PHF20: variants seen among roughly 807,000 people sequenced by gnomAD.
PHF20 encodes PHD finger protein 20.
In PHF20, 23 loss-of-function variants were observed where a neutral mutation model predicts 113.5. The observed-to-expected ratio is 0.20, with a 90% CI of 0.15 to 0.29. The LOEUF is 0.29. Ranked by LOEUF, PHF20 falls within the 10% of genes least tolerant of loss-of-function variation. The probability of loss-of-function intolerance (pLI) is 1.00; values close to 1 mark genes in which losing one functional copy is unlikely to be tolerated. For missense variants in PHF20, 943 were observed against 1,219.6 expected (o/e 0.77, Z 3.38); for synonymous variants, 434 against 457.3 (o/e 0.95, Z 0.65).
intron 9 of PHF20, among the ~76,000 whole-genome samples, chr20:35,879,881 T>C (rs988767408): frequency 1.3e-5 from 2 of 151,498 alleles, no homozygotes; most frequent in Non-Finnish European, 2.9e-5. Flanking sequence ...CCCAGCTACT[T>C]GTGAGGCTGA....
At chr20:35,815,470 CT>C (rs920144086) in intron 2 of PHF20, among the ~76,000 whole-genome samples, 5 of 148,292 alleles carry the variant, frequency 3.4e-5, no homozygotes, top group Non-Finnish European at 3.0e-5. Flanking sequence ...TTCTTTTATT[CT>C]TTTTTTTTTG....
At chr20:35,888,547 TG>T (rs758780876) in intron 9 of PHF20, among the ~76,000 whole-genome samples, 1 of 152,172 alleles carries the variant, frequency 6.6e-6, no homozygotes, top group Non-Finnish European at 1.5e-5. Flanking sequence ...AGGAATAAAC[TG>T]GTTTCAGTAG....
At chr20:35,801,361 T>C (rs2041777584) in intron 1 of PHF20, 130 bp from the exon 2 acceptor site, 1 of 549,750 alleles carries the variant, frequency 1.8e-6, no homozygotes, top group Non-Finnish European at 3.3e-6. Flanking sequence ...TGTGTTAGAA[T>C]GAGGACACCA....
intron 9 of PHF20, among the ~76,000 whole-genome samples, chr20:35,885,263 A>G (rs1367079923): frequency 6.6e-6 from 1 of 152,132 alleles, no homozygotes; most frequent in African/African-American, 2.4e-5. Context: ...TATAATCAAA[A>G]TCAACACCTT....
intron 5 of PHF20, among the ~76,000 whole-genome samples, chr20:35,859,550 T>G (rs917494857): frequency 9.4e-5 from 14 of 148,558 alleles, no homozygotes; most frequent in Non-Finnish European, 1.3e-4. Context: ...GGTTTTTGGT[T>G]TTTTTTTTTT....
At chr20:35,895,810 G>A (rs1422209725) in intron 9 of PHF20, among the ~76,000 whole-genome samples, 4 of 150,144 alleles carry the variant, frequency 2.7e-5, no homozygotes, top group African/African-American at 4.9e-5. Context: ...CTCAGCCTCC[G>A]GAGTTGCTGG....
rs1600812853 is a variant in PHF20, at chr20:35,842,654, T to C, written c.165T>C (p.Asp55=). The part of the protein sequence containing the change: ...IHFKRWNHRY[D]EWFCWDSPYL... Reference sequence around the variant, plus strand: ...TCAAGCGTTGGAACCATCGTTATGATGAGTGGTTCTGCTGGGACAGTCCTT... The same window carrying C: ...TCAAGCGTTGGAACCATCGTTATGACGAGTGGTTCTGCTGGGACAGTCCTT... The change falls in exon 3 of 18, where the codon GAT becomes GAC. Residue 55 remains aspartate, a synonymous_variant. Coordinates refer to ENST00000374012, the MANE Select transcript of PHF20 (RefSeq NM_016436.5). 1 of 1,613,824 alleles carries C rather than the reference T, an allele frequency of 6.2e-7. No individual in the cohort carries two copies. The highest frequency in any genetic ancestry group is 1.3e-5 in the African/African-American group (1 of 74,914).
At chr20:35,834,255 T>G (rs1988033258) in intron 2 of PHF20, among the ~76,000 whole-genome samples, 1 of 146,976 alleles carries the variant, frequency 6.8e-6, no homozygotes, top group African/African-American at 2.5e-5. Flanking sequence ...TGGTTTTTTT[T>G]TTTTTTTTTT....
chr20:35,782,006 C>G (rs1424221955), intron 1 of PHF20, among the ~76,000 whole-genome samples: 2 of 152,034 alleles, frequency 1.3e-5, no homozygotes, highest in African/African-American at 4.8e-5. Flanking sequence ...CTTTCATGAA[C>G]CTCCTCCCAG....
chr20:35,878,206 G>C (rs1209120297), intron 9 of PHF20, among the ~76,000 whole-genome samples: 1 of 152,138 alleles, frequency 6.6e-6, no homozygotes, highest in African/African-American at 2.4e-5. Flanking sequence ...CATTATTCTG[G>C]GGGTTAGAGA....
intron 5 of PHF20, among the ~76,000 whole-genome samples, chr20:35,859,519 GCTATA>G (rs1487796026): frequency 6.6e-6 from 1 of 151,478 alleles, no homozygotes; most frequent in Non-Finnish European, 1.5e-5. Context: ...ATTTGGTGAT[GCTATA>G]ACCTGTTGTG....
chr20:35,824,504 G>A (rs2042228619), intron 2 of PHF20, among the ~76,000 whole-genome samples: 1 of 151,926 alleles, frequency 6.6e-6, no homozygotes, highest in Admixed American at 6.6e-5. Flanking sequence ...CTACTCGGGA[G>A]GCTGAGGCAG....
chr20:35,914,635 A>G (rs2055367325), intron 12 of PHF20, among the ~76,000 whole-genome samples: 2 of 152,300 alleles, frequency 1.3e-5, no homozygotes, highest in African/African-American at 4.8e-5. Flanking sequence ...TAGCTGGAAT[A>G]TATAAGAACT....
chr20:35,791,189 T>A (rs367605640), intron 1 of PHF20, among the ~76,000 whole-genome samples: 1 of 152,144 alleles, frequency 6.6e-6, no homozygotes, highest in African/African-American at 2.4e-5. Flanking sequence ...CTTATGATCA[T>A]ACTTACATTT....
At chr20:35,804,156 C>T (rs1410000981) in intron 2 of PHF20, among the ~76,000 whole-genome samples, 3 of 150,952 alleles carry the variant, frequency 2.0e-5, no homozygotes, top group African/African-American at 7.3e-5. Flanking sequence ...CTCATTGCAA[C>T]ATCCGCCTCC....
chr20:35,933,399 AT>A (rs760196869), intron 15 of PHF20, among the ~76,000 whole-genome samples: 327 of 118,456 alleles, frequency 2.8e-3, no homozygotes, highest in Middle Eastern at 5.0e-3. Context: ...CACCTGGATA[AT>A]TTTTTTTTTT....
chr20:35,814,674 C>G (rs963060626), intron 2 of PHF20, among the ~76,000 whole-genome samples: 60 of 146,336 alleles, frequency 4.1e-4, no homozygotes, highest in African/African-American at 1.4e-3. Context: ...GAGATCGAGA[C>G]CATCCCGGCT....
At chr20:35,913,215 AT>A (rs768423044) in intron 10 of PHF20, 33 bp from the exon 11 acceptor site, 23 of 1,509,822 alleles carry the variant, frequency 1.5e-5, no homozygotes, top group Non-Finnish European at 1.7e-5. Context: ...TGAAAACAAA[AT>A]GTTAAAATGC....
intron 2 of PHF20, among the ~76,000 whole-genome samples, chr20:35,802,800 A>ATGG (rs2041805182): frequency 6.6e-6 from 1 of 151,008 alleles, no homozygotes; most frequent in African/African-American, 2.4e-5. Flanking sequence ...TTAGCCGGGC[A>ATGG]TGGTGGTGCA....
Sources: gnomAD v4.1 joint callset for allele counts (sites outside exome capture counted in the v4.1 genomes callset) on GRCh38, gnomAD v4.1.1 for gene constraint, MANE v1.5 for transcripts, NCBI Gene and HGNC (gene_info 2026-07-23, HGNC 2026-07-21) for gene names.